Variants in TMEM117 observed in about 807,000 individuals in gnomAD.
The protein encoded by TMEM117 is transmembrane protein 117.
TMEM117 carries 27 observed loss-of-function variants against 52.4 expected under a neutral mutation model. The ratio of observed to expected loss-of-function variants is 0.51; its 90% confidence interval spans 0.38 to 0.71. TMEM117 has a LOEUF of 0.71. Ranked by LOEUF, TMEM117 falls within the 30% of genes least tolerant of loss-of-function variation. The pLI is 0.00. For missense variants in TMEM117, 556 were observed against 630.5 expected, an observed-to-expected ratio of 0.88 and a Z score of 1.26; for synonymous variants, 215 against 206.3, an observed-to-expected ratio of 1.04 and a Z score of -0.36.
chr12:43,969,421 G>C (rs1231146408), intron 3 of TMEM117, among the ~76,000 whole-genome samples: 1 of 149,726 alleles, frequency 6.7e-6, no homozygotes, highest in Non-Finnish European at 1.5e-5. Context: ...TACTCAGAAA[G>C]CTAAGGCAGA....
intron 2 of TMEM117, among the ~76,000 whole-genome samples, chr12:43,919,050 C>T (rs1158328659): frequency 1.3e-5 from 2 of 152,118 alleles, no homozygotes; most frequent in Non-Finnish European, 2.9e-5. Context: ...TCAAAAACTT[C>T]GGTGTTGTAT....
intron 3 of TMEM117, among the ~76,000 whole-genome samples, chr12:43,972,288 G>C (rs527499782): frequency 1.3e-5 from 2 of 152,310 alleles, no homozygotes; most frequent in Non-Finnish European, 1.5e-5. Flanking sequence ...CTCTTAGTGT[G>C]GGGGGTGGGG....
intron 2 of TMEM117, among the ~76,000 whole-genome samples, chr12:43,861,837 G>A (rs1219944515): frequency 1.3e-5 from 2 of 152,152 alleles, no homozygotes; most frequent in African/African-American, 2.4e-5. Context: ...GTTCTTATAA[G>A]TTATGTATTC....
intron 3 of TMEM117, among the ~76,000 whole-genome samples, chr12:44,086,959 TTAA>T (rs1488913226): frequency 5.4e-5 from 8 of 147,448 alleles, no homozygotes; most frequent in African/African-American, 1.5e-4. Flanking sequence ...TAATATATAA[TTAA>T]TAATTATAAA....
chr12:44,251,638 A>G (rs893000973), intron 5 of TMEM117, among the ~76,000 whole-genome samples: 3 of 152,350 alleles, frequency 2.0e-5, no homozygotes, highest in Non-Finnish European at 4.4e-5. Context: ...AACCCAAACC[A>G]CAGAATAATT....
chr12:43,964,830 A>G (rs1945459186), intron 3 of TMEM117, among the ~76,000 whole-genome samples: 1 of 152,202 alleles, frequency 6.6e-6, no homozygotes, highest in Admixed American at 6.5e-5. Flanking sequence ...TTTTGGTTCT[A>G]AATACTTCGA....
chr12:43,956,596 C>G (rs912616508), intron 3 of TMEM117, among the ~76,000 whole-genome samples: 5 of 150,594 alleles, frequency 3.3e-5, no homozygotes, highest in African/African-American at 1.2e-4. Flanking sequence ...AAATCAAAAC[C>G]ACAATGAGAT....
chr12:44,259,508 T>C (rs891675037), intron 5 of TMEM117, among the ~76,000 whole-genome samples: 3 of 152,142 alleles, frequency 2.0e-5, no homozygotes, highest in Admixed American at 2.0e-4. Context: ...TACGGACTTC[T>C]TTCAAGGAGT....
chr12:44,104,785 T>A (rs1276776442), intron 3 of TMEM117, among the ~76,000 whole-genome samples: 1 of 152,022 alleles, frequency 6.6e-6, no homozygotes, highest in East Asian at 1.9e-4. Context: ...CTCTCAATGC[T>A]TTTAACATTT....
At chr12:44,082,640 T>G (rs974165176) in intron 3 of TMEM117, among the ~76,000 whole-genome samples, 1 of 152,104 alleles carries the variant, frequency 6.6e-6, no homozygotes, top group African/African-American at 2.4e-5. Flanking sequence ...ATAATAATTA[T>G]GTAACAGTTT....
intron 3 of TMEM117, among the ~76,000 whole-genome samples, chr12:44,043,008 G>T (rs564054579): frequency 6.6e-6 from 1 of 152,122 alleles, no homozygotes; most frequent in African/African-American, 2.4e-5. Flanking sequence ...AGTCCTCAGC[G>T]TGAATTGTTT....
intron 3 of TMEM117, among the ~76,000 whole-genome samples, chr12:43,988,525 T>C (rs1427040234): frequency 1.3e-5 from 2 of 152,134 alleles, no homozygotes; most frequent in Admixed American, 1.3e-4. Context: ...TGAAAGTATG[T>C]AGTCTTGAGA....
At chr12:43,827,640 T>C in the TMEM117 span, among the ~76,000 whole-genome samples, 2 of 152,206 alleles carry the variant, frequency 1.3e-5, no homozygotes, top group African/African-American at 4.8e-5. Context: ...TTACCCCATA[T>C]TGAAGAAATG....
At chr12:44,054,680 C>A (rs1238700787) in intron 3 of TMEM117, among the ~76,000 whole-genome samples, 1 of 150,442 alleles carries the variant, frequency 6.6e-6, no homozygotes, top group Admixed American at 6.6e-5. Context: ...TGATACTTTC[C>A]TTATGGATAC....
intron 6 of TMEM117, among the ~76,000 whole-genome samples, chr12:44,367,747 C>G (rs537069226): frequency 6.6e-6 from 1 of 152,234 alleles, no homozygotes; most frequent in East Asian, 1.9e-4. Flanking sequence ...ACTGAGCTCT[C>G]TGGATTTCTT....
At chr12:44,116,089 A>T (rs1159015133) in intron 3 of TMEM117, among the ~76,000 whole-genome samples, 1 of 152,228 alleles carries the variant, frequency 6.6e-6, no homozygotes, top group African/African-American at 2.4e-5. Context: ...TTCTTGCTGA[A>T]GTCAATAATC....
the TMEM117 span, chr12:43,806,164 G>A: frequency 6.5e-7 from 1 of 1,535,234 alleles, no homozygotes; most frequent in Admixed American, 2.0e-5. Flanking sequence ...CAGCCCTCCC[G>A]GCTCTCCCGG....
rs143648069 is a variant in TMEM117, at chr12:44,017,233, C to CTGTGTGTGTGTGTG, written c.410+72897_410+72910dup. Among the ~76,000 whole-genome samples, 1,226 of 147,320 alleles carry CTGTGTGTGTGTGTG rather than the reference C, an allele frequency of 8.3e-3. 25 individuals are homozygous for CTGTGTGTGTGTGTG. Among genetic ancestry groups the CTGTGTGTGTGTGTG allele is most frequent in the African/African-American group, 0.03 (1,165 of 39,346 alleles). On this transcript the variant is annotated intron_variant, in intron 3 of 7. Transcript: ENST00000266534. Reference sequence around the variant, plus strand: ...GAGAAAGCATTATTTATGAAGCCTTCTGTGTGTGTGTGTGTGTGTTTTAGG... The same window carrying CTGTGTGTGTGTGTG: ...GAGAAAGCATTATTTATGAAGCCTTCTGTGTGTGTGTGTGTGTGTGTGTGTGTGTGTGTTTTAGG...
At chr12:44,306,517 C>T (rs1355404496) in intron 6 of TMEM117, among the ~76,000 whole-genome samples, 1 of 152,066 alleles carries the variant, frequency 6.6e-6, no homozygotes, top group Non-Finnish European at 1.5e-5. Context: ...GTTTTGGATC[C>T]TTATACTATT....
Sources: gnomAD v4.1 joint callset for allele counts (sites outside exome capture counted in the v4.1 genomes callset) on GRCh38, gnomAD v4.1.1 for gene constraint, MANE v1.5 for transcripts, NCBI Gene and HGNC (gene_info 2026-07-23, HGNC 2026-07-21) for gene names.